Variants in FNIP2 observed in about 807,000 individuals in gnomAD.
FNIP2 encodes folliculin interacting protein 2, also known as folliculin-interacting protein 2.
Under a neutral mutation model 108.7 loss-of-function variants are expected in FNIP2, and 32 were observed. The observed-to-expected ratio is 0.29, with a 90% CI of 0.22 to 0.40. FNIP2 has a LOEUF of 0.40. Among genes scored for constraint, FNIP2 ranks in the 10% least tolerant of loss-of-function variants. The probability of loss-of-function intolerance (pLI) is 1.00; values close to 1 mark genes in which losing one functional copy is unlikely to be tolerated. For synonymous variants in FNIP2, 480 were observed against 496.7 expected (o/e 0.97, Z 0.45); for missense variants, 1,202 against 1,381.6 (o/e 0.87, Z 2.06).
intron 7 of FNIP2, among the ~76,000 whole-genome samples, chr4:158,843,686 G>A (rs560106501): frequency 2.1e-4 from 32 of 152,212 alleles, no homozygotes; most frequent in Non-Finnish European, 3.7e-4. Flanking sequence ...GTACGGGAAG[G>A]GCTAGGGCTA....
chr4:158,798,019 T>A (rs1776644129), intron 1 of FNIP2, among the ~76,000 whole-genome samples: 1 of 152,228 alleles, frequency 6.6e-6, no homozygotes, highest in Non-Finnish European at 1.5e-5. Flanking sequence ...CTGACAGCCT[T>A]TAAAACACCA....
At chr4:158,806,019 C>A in intron 1 of FNIP2, 3 of 631,292 alleles carry the variant, frequency 4.8e-6, no homozygotes, top group Non-Finnish European at 6.1e-6. Context: ...GCTTAATTTA[C>A]GTAACAAATG....
chr4:158,900,576 T>C (rs1158209226), intron 16 of FNIP2, among the ~76,000 whole-genome samples: 1 of 152,234 alleles, frequency 6.6e-6, no homozygotes, highest in African/African-American at 2.4e-5. Context: ...CATTGATCCC[T>C]TTACCATTAT....
At chr4:158,843,709 A>G (rs954604924) in intron 7 of FNIP2, among the ~76,000 whole-genome samples, 2 of 152,216 alleles carry the variant, frequency 1.3e-5, no homozygotes, top group Non-Finnish European at 1.5e-5. Context: ...GCAAAGATGT[A>G]TCGTGGGGAT....
intron 1 of FNIP2, among the ~76,000 whole-genome samples, chr4:158,770,394 T>A (rs1775656840): frequency 6.6e-6 from 1 of 152,204 alleles, no homozygotes; most frequent in Non-Finnish European, 1.5e-5. Flanking sequence ...CAAAAACAGT[T>A]CACTGTTAAA....
intron 16 of FNIP2, among the ~76,000 whole-genome samples, chr4:158,901,667 C>T (rs1210013314): frequency 6.6e-6 from 1 of 151,966 alleles, no homozygotes; most frequent in African/African-American, 2.4e-5. Context: ...TCTCATATTT[C>T]TTGGAGGCTT....
At chr4:158,876,242 C>T (rs1781277304) in intron 14 of FNIP2, among the ~76,000 whole-genome samples, 2 of 152,232 alleles carry the variant, frequency 1.3e-5, no homozygotes, top group Admixed American at 6.5e-5. Context: ...CCTGTGTCCA[C>T]TTTACCCACT....
intron 5 of FNIP2, 56 bp from the exon 6 acceptor site, chr4:158,833,472 T>C (rs947907328): frequency 9.4e-7 from 1 of 1,063,420 alleles, no homozygotes; most frequent in African/African-American, 1.6e-5. Context: ...ACAGCTTTAG[T>C]AGCTTCTTGA....
At chr4:158,793,695 A>G (rs530599527) in intron 1 of FNIP2, among the ~76,000 whole-genome samples, 25 of 152,248 alleles carry the variant, frequency 1.6e-4, no homozygotes, top group Admixed American at 1.5e-3. Context: ...GATTCCTCTC[A>G]GTTCTGTTTG....
intron 7 of FNIP2, among the ~76,000 whole-genome samples, chr4:158,844,044 T>G (rs558253074): frequency 1.3e-4 from 20 of 152,348 alleles, no homozygotes; most frequent in Middle Eastern, 6.8e-3. Flanking sequence ...CTTTTTCCTT[T>G]GAAGAAACTG....
rs1054270765 is a variant in FNIP2 at position 158,773,216 on chromosome 4, T to G, written c.107+3897T>G. ...TTGACTACTTTCTAAAAGAAAGTCTTTCTGTAGATTTTTCTTGCTTGCTGC... is the reference window on the plus strand; with the variant it reads ...TTGACTACTTTCTAAAAGAAAGTCTGTCTGTAGATTTTTCTTGCTTGCTGC... On this transcript the variant is annotated intron_variant, in intron 1 of 16. Coordinates refer to ENST00000264433, the MANE Select transcript of FNIP2 (RefSeq NM_020840.3). Among the ~76,000 whole-genome samples the G allele has an allele frequency of 3.9e-5, 6 of 152,352 alleles. No homozygotes were observed. The East Asian group carries it at 9.6e-4, about 24-fold the overall frequency.
At chr4:158,853,047 AT>A (rs1779786594) in intron 8 of FNIP2, among the ~76,000 whole-genome samples, 1 of 152,232 alleles carries the variant, frequency 6.6e-6, no homozygotes, top group Non-Finnish European at 1.5e-5. Flanking sequence ...AATACTTTAT[AT>A]GTAAGATATA....
At chr4:158,792,271 C>T (rs1246862747) in intron 1 of FNIP2, among the ~76,000 whole-genome samples, 1 of 152,170 alleles carries the variant, frequency 6.6e-6, no homozygotes, top group Non-Finnish European at 1.5e-5. Context: ...ATTTGAGTCA[C>T]TTTACACGCA....
intron 3 of FNIP2, among the ~76,000 whole-genome samples, chr4:158,830,251 T>C (rs1778397406): frequency 9.7e-6 from 1 of 103,554 alleles, no homozygotes; most frequent in African/African-American, 5.9e-5. Flanking sequence ...TATCTTTCTT[T>C]TTTTTTTTTT....
chr4:158,816,461 G>A (rs1218388525), intron 1 of FNIP2, among the ~76,000 whole-genome samples: 4 of 152,058 alleles, frequency 2.6e-5, no homozygotes, highest in Admixed American at 2.0e-4. Flanking sequence ...ATGTGTTGAC[G>A]GCTTTGATTA....
At chr4:158,879,668 G>A (rs1781475533) in intron 14 of FNIP2, among the ~76,000 whole-genome samples, 1 of 150,178 alleles carries the variant, frequency 6.7e-6, no homozygotes, top group Non-Finnish European at 1.5e-5. Context: ...CCTACAGAAT[G>A]GGAGAAAATT....
At chr4:158,792,669 A>G (rs1409780320) in intron 1 of FNIP2, among the ~76,000 whole-genome samples, 1 of 152,228 alleles carries the variant, frequency 6.6e-6, no homozygotes, top group Non-Finnish European at 1.5e-5. Context: ...GCTTTCAGGA[A>G]CCTAACCCTT....
At chr4:158,860,031 A>G (rs1780192911) in intron 10 of FNIP2, among the ~76,000 whole-genome samples, 1 of 152,220 alleles carries the variant, frequency 6.6e-6, no homozygotes, top group Non-Finnish European at 1.5e-5. Flanking sequence ...ATGCTTATTC[A>G]AAGCACAGAT....
At chr4:158,846,260 T>C (rs1336437868) in intron 7 of FNIP2, among the ~76,000 whole-genome samples, 1 of 152,238 alleles carries the variant, frequency 6.6e-6, no homozygotes, top group African/African-American at 2.4e-5. Context: ...TCTTTATATA[T>C]TACAGAGAAT....
Sources: allele counts gnomAD v4.1 joint callset (sites outside exome capture counted in the v4.1 genomes callset), GRCh38; gene constraint gnomAD v4.1.1; transcripts MANE v1.5; gene names NCBI Gene and HGNC (gene_info 2026-07-23, HGNC 2026-07-21).